Variants in SNX27 observed in about 807,000 individuals in gnomAD.
The protein encoded by SNX27 is sorting nexin-27.
In SNX27, 22 loss-of-function variants were observed where a neutral mutation model predicts 71.6. The observed-to-expected ratio is 0.31, with a 90% CI of 0.22 to 0.44. SNX27 has a LOEUF of 0.44. SNX27 is among the 20% of genes least tolerant of loss of function. The pLI, the probability that SNX27 is intolerant of heterozygous loss-of-function variation, is 1.00. For missense variants in SNX27, 531 were observed against 698.6 expected, an observed-to-expected ratio of 0.76 and a Z score of 2.70; for synonymous variants, 269 against 277.2, an observed-to-expected ratio of 0.97 and a Z score of 0.29.
chr1:151,623,953 TA>T (rs1455645031), intron 1 of SNX27, among the ~76,000 whole-genome samples: 4 of 152,174 alleles, frequency 2.6e-5, no homozygotes, highest in Non-Finnish European at 4.4e-5. Flanking sequence ...TTACATTTTT[TA>T]AAAATTTATT....
At chr1:151,640,140 G>A (rs1668659035) in intron 2 of SNX27, among the ~76,000 whole-genome samples, 1 of 152,168 alleles carries the variant, frequency 6.6e-6, no homozygotes, top group South Asian at 2.1e-4. Context: ...GTAGATAATG[G>A]CATATAGGTT....
intron 2 of SNX27, among the ~76,000 whole-genome samples, chr1:151,657,857 C>G (rs1211841996): frequency 1.3e-5 from 2 of 151,990 alleles, no homozygotes; most frequent in Non-Finnish European, 2.9e-5. Context: ...AAAAATTAGC[C>G]AGGTATGGTG....
chr1:151,693,807 C>T, intron 11 of SNX27: 2 of 1,447,374 alleles, frequency 1.4e-6, no homozygotes. Flanking sequence ...GTTCCTGACC[C>T]ACAGGGGAAG....
At chr1:151,672,659 G>A (rs754671254) in intron 7 of SNX27, among the ~76,000 whole-genome samples, 13 of 151,890 alleles carry the variant, frequency 8.6e-5, no homozygotes, top group African/African-American at 1.7e-4. Context: ...TTATGGCTTC[G>A]ATCTTGTTGC....
At chr1:151,627,633 G>T (rs1030767030) in intron 1 of SNX27, among the ~76,000 whole-genome samples, 9 of 152,120 alleles carry the variant, frequency 5.9e-5, no homozygotes, top group African/African-American at 2.2e-4. Context: ...TCGCCATGAT[G>T]CCCAGGCTGG....
intron 2 of SNX27, among the ~76,000 whole-genome samples, chr1:151,648,822 T>G (rs1332040189): frequency 6.6e-6 from 1 of 152,208 alleles, no homozygotes; most frequent in Non-Finnish European, 1.5e-5. Flanking sequence ...ATTTCTTGCA[T>G]TAATAGTGCA....
rs990049879 is a variant in SNX27, at chr1:151,612,606, C to G, written c.311+94C>G. Reference sequence around the variant, plus strand: ...CTTGTCACCCCCAGGCCGCACCTCCCCCGAGCTCCGAGCCGGCCTCCGGAC... The same window carrying G: ...CTTGTCACCCCCAGGCCGCACCTCCGCCGAGCTCCGAGCCGGCCTCCGGAC... On this transcript the variant is annotated intron_variant, in intron 1 of 11. Transcript: ENST00000458013. This position sits in a 1 kb window ranked among gnomAD's most constrained non-coding sequence, Gnocchi z 5.2. The G allele has an allele frequency of 4.9e-6, 5 of 1,022,716 alleles. No homozygotes were observed. In the African/African-American group the frequency reaches 8.3e-5, roughly 17 times the overall value. 63.4% of individuals were successfully genotyped at this position (1,022,716 alleles called of 1,614,324 possible). A position where few individuals can be genotyped will look rare whatever the true frequency, so the allele number is the denominator to read the frequency against.
At chr1:151,648,900 C>T (rs781458182) in intron 2 of SNX27, among the ~76,000 whole-genome samples, 29 of 151,636 alleles carry the variant, frequency 1.9e-4, no homozygotes, top group African/African-American at 2.9e-4. Flanking sequence ...CCTTTATATT[C>T]GAAAGATTTT....
In SNX27 at chr1:151,668,452, G is replaced by C. The variant is rs199670160; in HGVS notation, c.986-20G>C. On this transcript the variant is annotated intron_variant, in intron 6 of 11. Coordinates refer to ENST00000458013, the MANE Select transcript of SNX27 (RefSeq NM_001330723.2). ...TTATATCTTTTCACTCCAGCTTTCT[G>C]TGTTTTGTCTTTCCTTTAGTACGTA... 3.6e-4 allele frequency: 582 copies of C among 1,600,096 alleles called. 4 individuals carry two copies. The South Asian group carries it at 6.2e-3, about 17-fold the overall frequency.
chr1:151,692,327 G>C (rs1671488431), intron 8 of SNX27, 108 bp from the exon 9 acceptor site: 1 of 1,344,696 alleles, frequency 7.4e-7, no homozygotes, highest in South Asian at 1.7e-5. Context: ...AATACTCTTT[G>C]TTCTTTTTCT....
chr1:151,641,629 A>ATATATATATATATATATC (rs1195933776), intron 2 of SNX27, among the ~76,000 whole-genome samples: 2 of 120,078 alleles, frequency 1.7e-5, no homozygotes, highest in Non-Finnish European at 3.5e-5. Context: ...ATATATATAT[A>ATATATATATATATATATC]TCATATGTAT....
chr1:151,688,131 CAAAACTT>C (rs1295843018), intron 8 of SNX27, among the ~76,000 whole-genome samples: 1 of 152,002 alleles, frequency 6.6e-6, no homozygotes, highest in Non-Finnish European at 1.5e-5. Context: ...CATAGTTACT[CAAAACTT>C]AAAGTGAAAA....
intron 2 of SNX27, among the ~76,000 whole-genome samples, chr1:151,656,815 A>C (rs1669716388): frequency 6.6e-6 from 1 of 152,230 alleles, no homozygotes; most frequent in African/African-American, 2.4e-5. Context: ...AAAGACATAT[A>C]ATGTTGTGAT....
intron 1 of SNX27, among the ~76,000 whole-genome samples, chr1:151,618,501 T>A (rs1667530580): frequency 6.6e-6 from 1 of 152,216 alleles, no homozygotes; most frequent in South Asian, 2.1e-4. Flanking sequence ...ATTTTATTAG[T>A]AGCATAACAA....
intron 2 of SNX27, among the ~76,000 whole-genome samples, chr1:151,643,126 G>A (rs78079437): frequency 1.3e-5 from 2 of 150,850 alleles, no homozygotes; most frequent in East Asian, 2.0e-4. Flanking sequence ...CACCACACCC[G>A]GCCAATTTTG....
intron 1 of SNX27, among the ~76,000 whole-genome samples, chr1:151,638,090 CTTTG>C (rs999274720): frequency 1.3e-5 from 2 of 152,208 alleles, no homozygotes; most frequent in African/African-American, 4.8e-5. Context: ...AAACCTTGTA[CTTTG>C]TTTGCCTTAT....
chr1:151,650,927 C>T (rs1176836815), intron 2 of SNX27, among the ~76,000 whole-genome samples: 2 of 152,222 alleles, frequency 1.3e-5, no homozygotes, highest in Admixed American at 1.3e-4. Flanking sequence ...AGTAAGGTCA[C>T]AGATCAACAG....
chr1:151,632,159 G>T (rs1668265973), intron 1 of SNX27, among the ~76,000 whole-genome samples: 1 of 150,726 alleles, frequency 6.6e-6, no homozygotes, highest in Non-Finnish European at 1.5e-5. Flanking sequence ...TGTTGCGGAG[G>T]TTGTTTTTTT....
At chr1:151,629,107 A>G (rs1668077900) in intron 1 of SNX27, among the ~76,000 whole-genome samples, 1 of 151,822 alleles carries the variant, frequency 6.6e-6, no homozygotes, top group African/African-American at 2.4e-5. Context: ...GTAGATTTGT[A>G]TTTTTGTAAT....
Sources: gnomAD v4.1 joint callset for allele counts (sites outside exome capture counted in the v4.1 genomes callset) on GRCh38, gnomAD v4.1.1 for gene constraint, Gnocchi (gnomAD v3.1) non-coding constraint, MANE v1.5 for transcripts, NCBI Gene and HGNC (gene_info 2026-07-23, HGNC 2026-07-21) for gene names.